The following ATP9B variants were observed in gnomAD, a reference collection of about 807,000 sequenced individuals.
ATP9B encodes ATPase phospholipid transporting 9B, also known as probable phospholipid-transporting ATPase IIB.
In ATP9B, 110 loss-of-function variants were observed where a neutral mutation model predicts 146.1. The observed-to-expected ratio is 0.75, with a 90% CI of 0.65 to 0.88. The LOEUF (loss-of-function observed/expected upper bound fraction) is 0.88, where lower values mean the gene tolerates loss of function less well. Among genes scored for constraint, ATP9B ranks in the 40% least tolerant of loss-of-function variants. The probability of loss-of-function intolerance (pLI) is 0.00; values close to 1 mark genes in which losing one functional copy is unlikely to be tolerated. For missense variants in ATP9B, 1,499 were observed against 1,496.4 expected, an observed-to-expected ratio of 1.00 and a Z score of -0.03; for synonymous variants, 604 against 569.7, an observed-to-expected ratio of 1.06 and a Z score of -0.86.
chr18:79,348,217 G>C (rs373304120), intron 25 of ATP9B, 21 bp downstream of exon 25: 218 of 1,360,908 alleles, frequency 1.6e-4, no homozygotes, highest in Non-Finnish European at 2.2e-4. Flanking sequence ...CTCAGAACCT[G>C]CCAGCTCATC....
intron 15 of ATP9B, among the ~76,000 whole-genome samples, chr18:79,315,853 A>G (rs1326029118): frequency 6.6e-6 from 1 of 152,230 alleles, no homozygotes; most frequent in Non-Finnish European, 1.5e-5. Context: ...CATGAGATTC[A>G]GCTCAGGTTC....
intron 4 of ATP9B, among the ~76,000 whole-genome samples, chr18:79,125,908 A>G (rs1032138723): frequency 9.9e-5 from 15 of 152,196 alleles, no homozygotes; most frequent in African/African-American, 3.4e-4. Context: ...TAAGATTTTT[A>G]TGTCAGTCAT....
intron 8 of ATP9B, among the ~76,000 whole-genome samples, chr18:79,179,415 A>T (rs931273955): frequency 1.3e-5 from 2 of 152,124 alleles, no homozygotes; most frequent in African/African-American, 4.8e-5. Flanking sequence ...TCAGAGCTGT[A>T]AACCTGTTTC....
rs146815679 is a variant in ATP9B, at chr18:79,329,929, T to C, written c.1936-83T>C. ...ACATTCATAGGAATTGCTTTTTCCA[T>C]TGTATGTTTTATTAGACTAGCAGTT... On this transcript the variant is annotated intron_variant, in intron 16 of 29. Transcript: ENST00000426216. 9.6e-6 allele frequency: 12 copies of C among 1,253,656 alleles called. No homozygotes were observed. The East Asian group carries it at 2.8e-4, about 29-fold the overall frequency. The allele number at this position is 1,253,656 out of a possible 1,614,324, so 77.7% of individuals were successfully genotyped here.
intron 11 of ATP9B, among the ~76,000 whole-genome samples, chr18:79,251,254 G>A (rs1599289586): frequency 1.3e-5 from 2 of 152,338 alleles, no homozygotes; most frequent in South Asian, 4.1e-4. Flanking sequence ...CGTCTGTGTT[G>A]GTCATGGAAC....
chr18:79,098,324 A>G (rs2074984542), intron 2 of ATP9B, among the ~76,000 whole-genome samples: 2 of 149,590 alleles, frequency 1.3e-5, no homozygotes. Flanking sequence ...AGGCGTGGGC[A>G]AGGACTTCAT....
At chr18:79,178,370 G>A (rs138883411) in intron 8 of ATP9B, among the ~76,000 whole-genome samples, 1 of 152,136 alleles carries the variant, frequency 6.6e-6, no homozygotes, top group African/African-American at 2.4e-5. Context: ...TTCAGTTTGC[G>A]TTTCTGTGAT....
At chr18:79,176,732 A>G (rs891462405) in intron 7 of ATP9B, 81 bp from the exon 8 acceptor site, 2 of 1,157,168 alleles carry the variant, frequency 1.7e-6, no homozygotes, top group South Asian at 1.3e-5. Context: ...CCCTGGAATT[A>G]TTCTTTGATG....
intron 26 of ATP9B, chr18:79,361,395 C>T (rs2096987635): frequency 1.3e-5 from 2 of 152,114 alleles, no homozygotes; most frequent in South Asian, 4.2e-4. Context: ...GTTACTGGTG[C>T]CGTTGAACCC....
intron 17 of ATP9B, among the ~76,000 whole-genome samples, chr18:79,335,947 CA>C (rs1187499268): frequency 6.6e-6 from 1 of 152,102 alleles, no homozygotes; most frequent in Non-Finnish European, 1.5e-5. Flanking sequence ...TACAACACGC[CA>C]GGGGGGTCCC....
At chr18:79,234,783 G>A (rs2095825719) in intron 11 of ATP9B, among the ~76,000 whole-genome samples, 1 of 152,204 alleles carries the variant, frequency 6.6e-6, no homozygotes, top group South Asian at 2.1e-4. Context: ...TCAACGGACG[G>A]TATTTGGTTT....
intron 7 of ATP9B, among the ~76,000 whole-genome samples, chr18:79,167,714 G>T (rs7230829): frequency 1.3e-5 from 2 of 152,150 alleles, no homozygotes; most frequent in Non-Finnish European, 2.9e-5. Flanking sequence ...AGCACTATCC[G>T]ATTGGCTGTA....
At chr18:79,166,811 C>A (rs72994280) in intron 7 of ATP9B, among the ~76,000 whole-genome samples, 10,210 of 152,284 alleles carry the variant, frequency 0.067, 414 homozygotes, top group Non-Finnish European at 0.095. Flanking sequence ...CATTCTGCCT[C>A]CTTGGCCCAG....
In ATP9B at chr18:79,173,193, A is replaced by G. The variant is rs372415450; in HGVS notation, c.779-3620A>G. The stretch of plus-strand genomic sequence containing the variant: ...TTTCTAATTGGATTTATTTTAAACT[A>G]TTGATATTGAGAGTTCTTTATATAT... On this transcript the variant is annotated intron_variant, in intron 7 of 29. Transcript: ENST00000426216. Among the ~76,000 whole-genome samples, 24 of 152,278 alleles carry G rather than the reference A, an allele frequency of 1.6e-4. No homozygotes were observed. In the South Asian group the frequency reaches 4.8e-3, roughly 30 times the overall value.
At chr18:79,231,766 ATGTG>A (rs372427025) in intron 11 of ATP9B, among the ~76,000 whole-genome samples, 5 of 133,610 alleles carry the variant, frequency 3.7e-5, no homozygotes, top group African/African-American at 1.5e-4. Context: ...GATAAAGAAA[ATGTG>A]TGTGTGTGTA....
At chr18:79,100,380 T>G (rs1228124973) in intron 2 of ATP9B, among the ~76,000 whole-genome samples, 3 of 152,192 alleles carry the variant, frequency 2.0e-5, no homozygotes, top group African/African-American at 7.2e-5. Flanking sequence ...TCATTGTGGA[T>G]GTGTCTTTCT....
At chr18:79,235,252 A>C (rs2095830372) in intron 11 of ATP9B, among the ~76,000 whole-genome samples, 1 of 152,204 alleles carries the variant, frequency 6.6e-6, no homozygotes, top group Non-Finnish European at 1.5e-5. Context: ...CTTATAAGAC[A>C]TTAAGTCCAG....
intron 13 of ATP9B, 94 bp from the exon 14 acceptor site, chr18:79,303,510 C>A: frequency 1.1e-6 from 1 of 934,218 alleles, no homozygotes; most frequent in Non-Finnish European, 1.7e-6. Flanking sequence ...CTGCTTCAGC[C>A]CATGAATGTG....
At chr18:79,204,408 A>G (rs1350633221) in intron 9 of ATP9B, among the ~76,000 whole-genome samples, 3 of 152,144 alleles carry the variant, frequency 2.0e-5, no homozygotes, top group Non-Finnish European at 4.4e-5. Flanking sequence ...TCCCTTCCTG[A>G]TACAAATACT....
Sources: gnomAD v4.1 joint callset for allele counts (sites outside exome capture counted in the v4.1 genomes callset) on GRCh38, gnomAD v4.1.1 for gene constraint, MANE v1.5 for transcripts, NCBI Gene and HGNC (gene_info 2026-07-23, HGNC 2026-07-21) for gene names.